TPP1: variants seen among roughly 807,000 people sequenced by gnomAD.
TPP1 encodes the protein tripeptidyl-peptidase 1.
In TPP1, 43 loss-of-function variants were observed where a neutral mutation model predicts 67.6. The ratio of observed to expected loss-of-function variants is 0.64; its 90% confidence interval spans 0.50 to 0.82. TPP1 has a LOEUF of 0.82. Ranked by LOEUF, TPP1 falls within the 40% of genes least tolerant of loss-of-function variation. The pLI, the probability that TPP1 is intolerant of heterozygous loss-of-function variation, is 0.00. For synonymous variants in TPP1, 272 were observed against 281.5 expected, an observed-to-expected ratio of 0.97 and a Z score of 0.34; for missense variants, 671 against 710.9, an observed-to-expected ratio of 0.94 and a Z score of 0.64.
At chr11:6,615,740 A>T in intron 9 of TPP1, 178 bp from the exon 10 acceptor site, 1 of 861,508 alleles carries the variant, frequency 1.2e-6, no homozygotes, top group South Asian at 1.6e-5. Flanking sequence ...GTGACTGTGC[A>T]CACTTTTCTC....
chr11:6,617,245 C>G, intron 5 of TPP1, 56 bp downstream of exon 5: 1 of 1,613,962 alleles, frequency 6.2e-7, no homozygotes, highest in Non-Finnish European at 8.5e-7. Flanking sequence ...GGCATCTAAA[C>G]TTCCTCAGCC....
rs1564856313 is a variant in TPP1 at position 6,619,113 on chromosome 11, G to A, written c.89+83C>T. ...TGGAGTGCGTACTAGGAGCTGGCACGGGGGTGAGAGAAGCTAGGACCAGGA... is the reference window on the plus strand; with the variant it reads ...TGGAGTGCGTACTAGGAGCTGGCACAGGGGTGAGAGAAGCTAGGACCAGGA... On this transcript the variant is annotated intron_variant, in intron 2 of 12. Coordinates refer to ENST00000299427, the MANE Select transcript of TPP1 (RefSeq NM_000391.4). 7 of 1,555,474 alleles carry A rather than the reference G, an allele frequency of 4.5e-6. No homozygotes were observed. The South Asian group carries it at 5.7e-5, about 13-fold the overall frequency.
Position 6,615,287 on chromosome 11 carries a change from G to A in TPP1, c.1309C>T (p.Pro437Ser). ...CTGGCATTGAAGTAACTGGATGGTG[G>A]CAGGTGGGGGCTAGAGCTCAGGAAC... The part of the protein sequence containing the change: ...TKFLSSSPHL[P>S]PSSYFNASGR... Residue 437 changes from proline (P) to serine (S), a missense_variant, in exon 11 of 13, where the codon CCA becomes TCA. Physicochemically the swap from Pro to Ser is moderately conservative, Grantham distance 74. Coordinates refer to ENST00000299427, the MANE Select transcript of TPP1 (RefSeq NM_000391.4). The A allele has an allele frequency of 1.2e-6, 2 of 1,614,184 alleles. No homozygotes were observed. Among genetic ancestry groups the A allele is most frequent in the Admixed American group, 1.7e-5 (1 of 60,024 alleles).
chr11:6,614,976 A>T lies in TPP1; in HGVS notation c.1441T>A (p.Phe481Ile). 6.2e-7 allele frequency: 1 copy of T among 1,613,932 alleles called. No individual in the cohort carries two copies. Among genetic ancestry groups the T allele is most frequent in the South Asian group, 1.1e-5 (1 of 91,074 alleles). ...TTGATCAAGGATAGGATCCCCCCAAACACTGGAGTAGAGGCCTACAAGAGT... is the reference window on the plus strand; with the variant it reads ...TTGATCAAGGATAGGATCCCCCCAATCACTGGAGTAGAGGCCTACAAGAGT... ...VSGTSASTPV[F>I]GGILSLINEH... The change falls in exon 12 of 13, where the codon TTT (phenylalanine) becomes ATT (isoleucine). Residue 481 changes from phenylalanine (F) to isoleucine (I), a missense_variant. Transcript: ENST00000299427.
At chr11:6,615,373 G>T in intron 10 of TPP1, 44 bp from the exon 11 acceptor site, 1 of 1,614,140 alleles carries the variant, frequency 6.2e-7, no homozygotes, top group Non-Finnish European at 8.5e-7. Context: ...GGCCTGCCCA[G>T]CAGTCAGCTG....
intron 8 of TPP1, 103 bp downstream of exon 8, chr11:6,616,212 G>A (rs1443230988): frequency 6.3e-7 from 1 of 1,589,180 alleles, no homozygotes; most frequent in Non-Finnish European, 8.6e-7. Flanking sequence ...GAAGGTCTGA[G>A]TTCAGATTAT....
chr11:6,615,517 GA>G lies in TPP1; in HGVS notation c.1190del (p.Phe397SerfsTer30). 1 of 1,614,192 alleles carries G rather than the reference GA, an allele frequency of 6.2e-7. No individual in the cohort carries two copies. The highest frequency in any genetic ancestry group is 1.1e-5 in the South Asian group (1 of 91,088). On this transcript the variant is annotated frameshift_variant, in exon 10 of 13. Coordinates refer to ENST00000299427, the MANE Select transcript of TPP1 (RefSeq NM_000391.4). LOFTEE classifies it high-confidence loss of function. ...AGTCAACAATTTCATTTGTGATGAGGAAAGGTTCCTGGAAGGATGTGCCTCC... is the reference window on the plus strand; with the variant it reads ...AGTCAACAATTTCATTTGTGATGAGGAAGGTTCCTGGAAGGATGTGCCTCC... Reference protein sequence around the residue: ...TVGGTSFQEPFLITNEIVDYI... With the variant: ...TVGGTSFQEPXLITNEIVDYI...
chr11:6,618,948 G>C, intron 2 of TPP1, 33 bp from the exon 3 acceptor site: 2 of 1,609,886 alleles, frequency 1.2e-6, no homozygotes, highest in Non-Finnish European at 1.7e-6. Context: ...CATGGCTTTG[G>C]TTAGGGTGGA....
At chr11:6,615,110 C>G (rs1855558063) in intron 11 of TPP1, 61 bp downstream of exon 11, 1 of 1,613,736 alleles carries the variant, frequency 6.2e-7, no homozygotes, top group Admixed American at 1.7e-5. Flanking sequence ...GCAAGGTGTT[C>G]AAGGTGTTAG....
intron 12 of TPP1, 32 bp from the exon 13 acceptor site, chr11:6,614,718 T>G (rs957274603): frequency 6.2e-7 from 1 of 1,614,126 alleles, no homozygotes; most frequent in African/African-American, 1.3e-5. Context: ...GATCTGGGCC[T>G]ACTAGTACCA....
Position 6,616,451 on chromosome 11 carries a change from A to G in TPP1, c.939T>C (p.Asn313=). Reference sequence around the variant, plus strand: ...TATGCACATGTGGCAGGGCTGACTCATTACTGAGCAGCATGAGCCACTGCA... The same window carrying G: ...TATGCACATGTGGCAGGGCTGACTCGTTACTGAGCAGCATGAGCCACTGCA... The part of the protein sequence containing the change: ...PFLQWLMLLS[N]ESALPHVHTV... The change falls in exon 8 of 13, where the codon AAT becomes AAC. Residue 313 remains asparagine (N), a synonymous_variant. Coordinates refer to ENST00000299427, the MANE Select transcript of TPP1 (RefSeq NM_000391.4). 1 of 1,612,190 alleles carries G rather than the reference A, an allele frequency of 6.2e-7. No homozygotes were observed. The highest frequency in any genetic ancestry group is 8.5e-7 in the Non-Finnish European group (1 of 1,179,920).
chr11:6,615,849 C>G, intron 9 of TPP1, 156 bp downstream of exon 9: 1 of 894,866 alleles, frequency 1.1e-6, no homozygotes, highest in Non-Finnish European at 1.8e-6. Flanking sequence ...GGCCTGGGAC[C>G]TGCAGGAAGA....
intron 3 of TPP1, 36 bp downstream of exon 3, chr11:6,618,740 C>T (rs375360124): frequency 5.8e-5 from 94 of 1,611,840 alleles, no homozygotes; most frequent in Non-Finnish European, 7.5e-5. Flanking sequence ...GTCCCTCCAC[C>T]GCATCCCACA....
intron 8 of TPP1, 90 bp downstream of exon 8, chr11:6,616,225 G>A (rs1855579720): frequency 6.3e-7 from 1 of 1,596,702 alleles, no homozygotes; most frequent in Non-Finnish European, 8.6e-7. Flanking sequence ...CAGATTATGA[G>A]TCAGAGACCA....
Position 6,616,878 on chromosome 11 carries a change from C to A in TPP1, c.688-19G>T. On this transcript the variant is annotated intron_variant, in intron 6 of 12. Transcript: ENST00000299427. ...CCAGGAACTATGGAGGGAGTCAGAG[C>A]AGAGATCGTGGGTCCGAGGGTGAGT... 6.2e-7 allele frequency: 1 copy of A among 1,614,006 alleles called. No individual in the cohort carries two copies. Among genetic ancestry groups the A allele is most frequent in the Admixed American group, 1.7e-5 (1 of 60,020 alleles).
At chr11:6,618,644 T>A (rs1855620809) in intron 3 of TPP1, 132 bp downstream of exon 3, 16 of 1,278,512 alleles carry the variant, frequency 1.3e-5, no homozygotes, top group Non-Finnish European at 1.8e-5. Flanking sequence ...CTGAACCACA[T>A]CCCCTTTTAG....
chr11:6,614,837 A>AC (rs1189612155), intron 12 of TPP1, 29 bp downstream of exon 12: 3 of 1,613,896 alleles, frequency 1.9e-6, no homozygotes, highest in Admixed American at 3.3e-5. Flanking sequence ...TTGTTTGAAA[A>AC]CGTCCACACC....
chr11:6,615,435 C>T lies in TPP1; in HGVS notation c.1266+7G>A. 1 of 1,614,216 alleles carries T rather than the reference C, an allele frequency of 6.2e-7. No homozygotes were observed. Among genetic ancestry groups the T allele is most frequent in the Non-Finnish European group, 8.5e-7 (1 of 1,180,032 alleles). ...TACCCTGCATCCATCCACACAAACA[C>T]ACGTACCTGGTATGAAGGCCGTGGG... On this transcript the variant is annotated splice_region_variant and intron_variant, in intron 10 of 12. Transcript: ENST00000299427.
At chr11:6,618,343 G>A (rs1414239168) in intron 3 of TPP1, 8 of 370,338 alleles carry the variant, frequency 2.2e-5, no homozygotes, top group Admixed American at 4.4e-5. Context: ...GAGTGGGGGA[G>A]TACAGTGAGG....
Sources: gnomAD v4.1 joint callset for allele counts on GRCh38, gnomAD v4.1.1 for gene constraint, MANE v1.5 for transcripts, NCBI Gene and HGNC (gene_info 2026-07-23, HGNC 2026-07-21) for gene names.